Variants in GALC observed in about 807,000 individuals in gnomAD.
The protein encoded by GALC is galactosylceramidase.
GALC carries 77 observed loss-of-function variants against 91.8 expected under a neutral mutation model. The ratio of observed to expected loss-of-function variants is 0.84; its 90% CI spans 0.70 to 1.01. GALC has a LOEUF of 1.01. GALC is among the 50% of genes least tolerant of loss of function. The pLI, the probability that GALC is intolerant of heterozygous loss-of-function variation, is 0.00. For synonymous variants in GALC, 357 were observed against 306.7 expected (o/e 1.16, Z -1.71); for missense variants, 882 against 855.9 (o/e 1.03, Z -0.38).
intron 1 of GALC, among the ~76,000 whole-genome samples, chr14:87,991,281 C>A (rs1212710338): frequency 2.0e-5 from 3 of 152,148 alleles, no homozygotes; most frequent in African/African-American, 7.2e-5. Flanking sequence ...CGGCTCACTG[C>A]AACCTCCGCC....
rs572785029 is a variant in GALC, at chr14:87,968,851, G to A, written c.753-361C>T. 8.5e-5 allele frequency among the ~76,000 whole-genome samples: 13 copies of A among 152,288 alleles called. No homozygotes were observed. The East Asian group carries it at 2.5e-3, about 29-fold the overall frequency. Reference sequence around the variant, plus strand: ...AGGGCCACAGCCTAGAACACTCCAAGAGGAGAATGAAGTAAAGATAAGATT... The same window carrying A: ...AGGGCCACAGCCTAGAACACTCCAAAAGGAGAATGAAGTAAAGATAAGATT... On this transcript the variant is annotated intron_variant, in intron 7 of 16. Transcript: ENST00000261304.
intron 9 of GALC, among the ~76,000 whole-genome samples, chr14:87,963,793 T>C (rs764758509): frequency 1.5e-4 from 22 of 150,986 alleles, no homozygotes; most frequent in Non-Finnish European, 3.0e-4. Context: ...AAATAGTTAT[T>C]CCCCCCCCAA....
chr14:87,939,806 T>C (rs1884757518), intron 16 of GALC, 99 bp downstream of exon 16: 2 of 895,252 alleles, frequency 2.2e-6, no homozygotes, highest in South Asian at 2.6e-5. Context: ...CTCTCTTCAT[T>C]ATATGTCACA....
chr14:87,956,549 TA>T (rs1226443344), intron 10 of GALC, among the ~76,000 whole-genome samples: 4 of 151,074 alleles, frequency 2.6e-5, no homozygotes, highest in Non-Finnish European at 4.4e-5. Context: ...ACCATATATA[TA>T]TACACGCACC....
intron 13 of GALC, among the ~76,000 whole-genome samples, chr14:87,946,727 A>C (rs1466554023): frequency 6.6e-6 from 1 of 151,986 alleles, no homozygotes; most frequent in African/African-American, 2.4e-5. Context: ...CAGATTTTAA[A>C]GACCCTGTGT....
At chr14:87,978,294 G>A (rs143511581) in intron 6 of GALC, among the ~76,000 whole-genome samples, 18 of 152,106 alleles carry the variant, frequency 1.2e-4, no homozygotes, top group South Asian at 6.2e-4. Context: ...CAGGTGGTCC[G>A]CCACTTTGGC....
chr14:87,978,712 AGG>A (rs113230104), intron 6 of GALC, among the ~76,000 whole-genome samples: 17,145 of 152,044 alleles, frequency 0.11, 1,123 homozygotes, highest in Non-Finnish European at 0.16. Flanking sequence ...CCAAAGACCC[AGG>A]CACTTCCATT....
chr14:87,973,980 A>G (rs1886396243), intron 7 of GALC, among the ~76,000 whole-genome samples: 1 of 152,232 alleles, frequency 6.6e-6, no homozygotes, highest in Non-Finnish European at 1.5e-5. Flanking sequence ...GCTAAATAAC[A>G]AAAGAAACAC....
At chr14:87,954,344 G>A (rs1885429831) in intron 10 of GALC, 2 of 1,601,398 alleles carry the variant, frequency 1.2e-6, no homozygotes, top group East Asian at 4.5e-5. Context: ...GAGGACAGAA[G>A]CAGAAAAAGT....
At chr14:87,992,560 T>C in intron 1 of GALC, 1 of 1,503,864 alleles carries the variant, frequency 6.6e-7, no homozygotes, top group Non-Finnish European at 8.8e-7. Context: ...GGGCGTTCTC[T>C]TTCGCACACG....
rs138491303 is a variant in GALC, at chr14:87,968,173, G to T, written c.908+162C>A. ...GACTATATTCAAATATAGAAAATTA[G>T]ATATAGATTAGGTATAGGTATACAA... is the stretch of plus-strand genomic sequence containing the variant. On this transcript the variant is annotated intron_variant, in intron 8 of 16. Coordinates refer to ENST00000261304, the MANE Select transcript of GALC (RefSeq NM_000153.4). Among the ~76,000 whole-genome samples, 588 of 152,144 alleles carry T rather than the reference G, an allele frequency of 3.9e-3. 3 individuals are homozygous for T. The highest frequency in any genetic ancestry group is 0.013 in the African/African-American group (547 of 41,508).
chr14:87,945,479 C>G, intron 14 of GALC, 74 bp downstream of exon 14: 1 of 1,121,260 alleles, frequency 8.9e-7, no homozygotes, highest in Non-Finnish European at 1.4e-6. Flanking sequence ...ATTGAAAACT[C>G]TTCACTTCAA....
Position 87,993,029 on chromosome 14 carries a change from C to T in GALC, c.136G>A (p.Asp46Asn). The change falls in exon 1 of 17, where the codon GAC becomes AAC. Residue 46 changes from aspartate (D) to asparagine (N), a missense_variant. Asp to Asn is a conservative substitution (Grantham distance 23, BLOSUM62 1). Transcript: ENST00000261304. ...TCCCGGCCCAGCCCGTCGGAGTCGT[C>T]GAGCACGTACGCGCCGCCGGGCGCC... ...LLAPGGAYVL[D>N]DSDGLGREFD... 3 of 1,553,324 alleles carry T rather than the reference C, an allele frequency of 1.9e-6. No homozygotes were observed. The highest frequency in any genetic ancestry group is 2.6e-6 in the Non-Finnish European group (3 of 1,153,662).
chr14:87,975,839 C>T (rs958026100), intron 7 of GALC, among the ~76,000 whole-genome samples: 1 of 151,950 alleles, frequency 6.6e-6, no homozygotes, highest in African/African-American at 2.4e-5. Context: ...AATGTAAATT[C>T]ACTTTTTAAA....
intron 1 of GALC, among the ~76,000 whole-genome samples, chr14:87,991,856 T>C (rs1023052526): frequency 3.9e-5 from 6 of 152,204 alleles, no homozygotes; most frequent in African/African-American, 1.4e-4. Context: ...TTACCCTAGA[T>C]ATAGTATCAC....
rs1886890773 is a variant in GALC, at chr14:87,984,539, G to T, written c.443-6C>A. On this transcript the variant is annotated splice_polypyrimidine_tract_variant and splice_region_variant and intron_variant, in intron 4 of 16. Coordinates refer to ENST00000261304, the MANE Select transcript of GALC (RefSeq NM_000153.4). ...AGGGAATGACCATGGCAACCCTGCA[G>T]AGAGAAGGGAGGAGGCAAAGGTAGA... 1 of 1,613,978 alleles carries T rather than the reference G, an allele frequency of 6.2e-7. No homozygotes were observed.
chr14:87,952,659 A>T (rs2301122), intron 10 of GALC: 520,435 of 1,516,236 alleles, frequency 0.34, 96,545 homozygotes, highest in East Asian at 0.6. Context: ...ACAGCACAAA[A>T]ATCTTGAAAA....
intron 7 of GALC, among the ~76,000 whole-genome samples, chr14:87,970,054 C>A (rs909633426): frequency 1.3e-5 from 2 of 152,120 alleles, no homozygotes; most frequent in African/African-American, 2.4e-5. Context: ...AACGCCCAAC[C>A]TGAAAAATCT....
At position 87,939,542 on chromosome 14, in the gene GALC, C is replaced by T. The variant is rs72629367; in HGVS notation, c.1911+363G>A. 8.0e-3 allele frequency among the ~76,000 whole-genome samples: 1,212 copies of T among 151,726 alleles called. 54 individuals are homozygous for T. The East Asian group carries it at 0.12, about 15-fold the overall frequency. ...AATTGAAAACCAAATTATTCTTAACCATCAAAAATAAATGCATATGGCTTT... is the reference window on the plus strand; with the variant it reads ...AATTGAAAACCAAATTATTCTTAACTATCAAAAATAAATGCATATGGCTTT... On this transcript the variant is annotated intron_variant, in intron 16 of 16. Coordinates refer to ENST00000261304, the MANE Select transcript of GALC (RefSeq NM_000153.4).
Sources: gnomAD v4.1 joint callset for allele counts (sites outside exome capture counted in the v4.1 genomes callset) on GRCh38, gnomAD v4.1.1 for gene constraint, MANE v1.5 for transcripts, NCBI Gene and HGNC (gene_info 2026-07-23, HGNC 2026-07-21) for gene names.